CPQ: variants seen among roughly 807,000 people sequenced by gnomAD.
The protein encoded by CPQ is carboxypeptidase Q, also known as Ser-Met dipeptidase.
Under a neutral mutation model 45.7 loss-of-function variants are expected in CPQ, and 37 were observed. The ratio of observed to expected loss-of-function variants is 0.81; its 90% CI spans 0.62 to 1.07. The LOEUF is 1.07. CPQ is among the 50% of genes least tolerant of loss of function. The probability of loss-of-function intolerance (pLI) is 0.00; values close to 1 mark genes in which losing one functional copy is unlikely to be tolerated. For synonymous variants in CPQ, 186 were observed against 205.8 expected, an observed-to-expected ratio of 0.90 and a Z score of 0.82; for missense variants, 537 against 572.9, an observed-to-expected ratio of 0.94 and a Z score of 0.64.
intron 1 of CPQ, among the ~76,000 whole-genome samples, chr8:96,769,573 C>T: frequency 6.6e-6 from 1 of 151,000 alleles, no homozygotes; most frequent in East Asian, 1.9e-4. Context: ...ATAGATTTTG[C>T]AAGCCGTAAA....
intron 7 of CPQ, among the ~76,000 whole-genome samples, chr8:97,072,579 G>A (rs1810765251): frequency 6.6e-6 from 1 of 152,118 alleles, no homozygotes; most frequent in African/African-American, 2.4e-5. Flanking sequence ...CGTATACCTA[G>A]AAAACCCTAA....
chr8:97,081,007 G>C (rs1424091876), intron 7 of CPQ, among the ~76,000 whole-genome samples: 3 of 146,680 alleles, frequency 2.0e-5, no homozygotes, highest in African/African-American at 7.5e-5. Context: ...TAAGAGAATA[G>C]TATCTTATGT....
intron 4 of CPQ, among the ~76,000 whole-genome samples, chr8:96,881,032 G>T (rs1257165856): frequency 2.0e-5 from 3 of 152,112 alleles, no homozygotes; most frequent in African/African-American, 7.2e-5. Context: ...AGTGGTATTT[G>T]TCCACGTGTT....
At chr8:97,024,362 G>A (rs548410038) in intron 5 of CPQ, among the ~76,000 whole-genome samples, 9 of 152,098 alleles carry the variant, frequency 5.9e-5, no homozygotes, top group African/African-American at 4.8e-5. Flanking sequence ...ATTGTTTCTC[G>A]GGGTGGCTCA....
intron 5 of CPQ, among the ~76,000 whole-genome samples, chr8:96,976,565 A>C (rs965259975): frequency 6.6e-6 from 1 of 152,132 alleles, no homozygotes; most frequent in Non-Finnish European, 1.5e-5. Context: ...AAAAAGAACA[A>C]ATCTGGAAGC....
chr8:96,966,268 A>G (rs1428434243), intron 5 of CPQ, among the ~76,000 whole-genome samples: 1 of 152,256 alleles, frequency 6.6e-6, no homozygotes, highest in Non-Finnish European at 1.5e-5. Flanking sequence ...CCACTGGGGA[A>G]AATGAACAAG....
At position 96,691,575 on chromosome 8, in the gene CPQ, G is replaced by C. The variant is rs565742272; in HGVS notation, c.-35+46173G>C. On this transcript the variant is annotated intron_variant, in intron 1 of 7. Transcript: ENST00000220763. ...GAGTAACACTGTTCTGGGGGTTTCA[G>C]AGTATTGACTATCTTTTCCTTAAAA... 2.0e-5 allele frequency among the ~76,000 whole-genome samples: 3 copies of C among 152,228 alleles called. No individual in the cohort carries two copies. The East Asian group carries it at 5.8e-4, about 29-fold the overall frequency.
intron 7 of CPQ, among the ~76,000 whole-genome samples, chr8:97,070,586 A>C (rs1810723535): frequency 6.6e-6 from 1 of 152,180 alleles, no homozygotes; most frequent in African/African-American, 2.4e-5. Flanking sequence ...CCAAAAATGT[A>C]TAAAAAATAT....
At chr8:96,900,001 T>A (rs943300861) in intron 4 of CPQ, among the ~76,000 whole-genome samples, 2 of 152,162 alleles carry the variant, frequency 1.3e-5, no homozygotes, top group Non-Finnish European at 2.9e-5. Context: ...TTGTTGTTGT[T>A]TTGATCCTCT....
At chr8:97,128,708 A>T (rs1463747646) in intron 7 of CPQ, among the ~76,000 whole-genome samples, 1 of 152,162 alleles carries the variant, frequency 6.6e-6, no homozygotes, top group Non-Finnish European at 1.5e-5. Context: ...AACAAACAGA[A>T]AAAACTTTCT....
chr8:96,737,893 A>G (rs915634199), intron 1 of CPQ, among the ~76,000 whole-genome samples: 1 of 152,046 alleles, frequency 6.6e-6, no homozygotes, highest in Non-Finnish European at 1.5e-5. Flanking sequence ...GCATCTCACA[A>G]TTCTTGATTT....
intron 4 of CPQ, among the ~76,000 whole-genome samples, chr8:96,952,351 TAA>T (rs141239543): frequency 0.027 from 4,167 of 152,166 alleles, 127 homozygotes; most frequent in African/African-American, 0.078. Context: ...CACAATCTCC[TAA>T]AGTCATTCTA....
chr8:97,096,664 G>A (rs1159833734), intron 7 of CPQ, among the ~76,000 whole-genome samples: 1 of 152,112 alleles, frequency 6.6e-6, no homozygotes, highest in Non-Finnish European at 1.5e-5. Context: ...AGATTTGAAG[G>A]GTACTTGTAA....
intron 4 of CPQ, among the ~76,000 whole-genome samples, chr8:96,902,700 C>T (rs1407698646): frequency 6.6e-6 from 1 of 152,182 alleles, no homozygotes; most frequent in Non-Finnish European, 1.5e-5. Flanking sequence ...TCTGGCTCTT[C>T]TTGCCACTTC....
chr8:96,883,997 T>C (rs1043923590), intron 4 of CPQ, among the ~76,000 whole-genome samples: 2 of 152,218 alleles, frequency 1.3e-5, no homozygotes, highest in African/African-American at 4.8e-5. Context: ...ATCTTGATCC[T>C]CTTTAAATCT....
At chr8:96,666,025 G>A (rs922043510) in intron 1 of CPQ, among the ~76,000 whole-genome samples, 2 of 152,182 alleles carry the variant, frequency 1.3e-5, no homozygotes, top group South Asian at 2.1e-4. Context: ...GGTCAGTTAG[G>A]AAGCAGAAGG....
At chr8:96,934,894 G>A (rs530726409) in intron 4 of CPQ, among the ~76,000 whole-genome samples, 1 of 152,226 alleles carries the variant, frequency 6.6e-6, no homozygotes, top group South Asian at 2.1e-4. Context: ...GATCATCACG[G>A]TCTCCCAGTT....
intron 1 of CPQ, among the ~76,000 whole-genome samples, chr8:96,671,340 T>TGCAA (rs1449157553): frequency 6.6e-6 from 1 of 152,212 alleles, no homozygotes; most frequent in Non-Finnish European, 1.5e-5. Context: ...GTAAAGCATA[T>TGCAA]GCAAGTATGT....
intron 4 of CPQ, among the ~76,000 whole-genome samples, chr8:96,963,949 A>C (rs1331587210): frequency 6.6e-6 from 1 of 151,812 alleles, no homozygotes; most frequent in African/African-American, 2.4e-5. Flanking sequence ...ATTCTTCATT[A>C]TGTTTATGAG....
Sources: gnomAD v4.1 joint callset for allele counts (sites outside exome capture counted in the v4.1 genomes callset) on GRCh38, gnomAD v4.1.1 for gene constraint, MANE v1.5 for transcripts, NCBI Gene and HGNC (gene_info 2026-07-23, HGNC 2026-07-21) for gene names.